The following SAMD3 variants were observed in gnomAD, a reference collection of about 807,000 sequenced individuals.
SAMD3 encodes the protein sterile alpha motif domain-containing protein 3.
In SAMD3, 63 loss-of-function variants were observed where a neutral mutation model predicts 58.5. That is an observed-to-expected ratio of 1.08 (90% CI 0.88 to 1.33). SAMD3 has a LOEUF of 1.33. SAMD3 is among the 40% of genes most tolerant of loss of function. The pLI is 0.00. For missense variants in SAMD3, 604 were observed against 608.4 expected (o/e 0.99, Z 0.08); for synonymous variants, 220 against 210.3 (o/e 1.05, Z -0.40).
intron 1 of SAMD3, among the ~76,000 whole-genome samples, chr6:130,340,247 G>A (rs1777228218): frequency 6.6e-6 from 1 of 152,180 alleles, no homozygotes; most frequent in African/African-American, 2.4e-5. Flanking sequence ...CTAAAATCAA[G>A]GTATCCACAG....
intron 1 of SAMD3, among the ~76,000 whole-genome samples, chr6:130,347,289 A>C (rs1023000650): frequency 6.6e-6 from 1 of 152,250 alleles, no homozygotes; most frequent in African/African-American, 2.4e-5. Flanking sequence ...AAGCTAAAGG[A>C]GGAAGTTCAA....
chr6:130,168,161 C>T (rs1412190157), intron 8 of SAMD3, among the ~76,000 whole-genome samples: 2 of 152,146 alleles, frequency 1.3e-5, no homozygotes, highest in East Asian at 1.9e-4. Flanking sequence ...TGGCCAGGCG[C>T]GGTGGCTCAT....
chr6:130,153,666 T>C (rs28470450), intron 9 of SAMD3, among the ~76,000 whole-genome samples: 2 of 91,144 alleles, frequency 2.2e-5, no homozygotes, highest in Non-Finnish European at 4.6e-5. Flanking sequence ...ATATATATAT[T>C]TATTTATTTA....
intron 8 of SAMD3, chr6:130,160,239 TAAGAA>T (rs1790171425): frequency 1.3e-5 from 2 of 152,148 alleles, no homozygotes; most frequent in South Asian, 2.1e-4. Context: ...AAATATCCGT[TAAGAA>T]GAGAAGAGCC....
chr6:130,180,420 C>A, intron 7 of SAMD3, among the ~76,000 whole-genome samples: 1 of 151,158 alleles, frequency 6.6e-6, no homozygotes, highest in East Asian at 1.9e-4. Context: ...TAGGCGTGAA[C>A]CACCACTCCC....
intron 8 of SAMD3, among the ~76,000 whole-genome samples, chr6:130,166,765 A>T (rs549096185): frequency 1.3e-5 from 2 of 152,352 alleles, no homozygotes; most frequent in African/African-American, 4.8e-5. Flanking sequence ...GCTAACACAC[A>T]TATGAAGAGA....
intron 1 of SAMD3, among the ~76,000 whole-genome samples, chr6:130,345,360 G>T (rs1444583765): frequency 1.3e-5 from 2 of 152,158 alleles, no homozygotes; most frequent in Non-Finnish European, 2.9e-5. Context: ...GCCATCCACT[G>T]AGGTATTTCC....
chr6:130,307,285 C>T (rs1289863061), intron 2 of SAMD3, among the ~76,000 whole-genome samples: 1 of 152,194 alleles, frequency 6.6e-6, no homozygotes, highest in Non-Finnish European at 1.5e-5. Context: ...CACTGTAATG[C>T]TCTGCTGTTG....
intron 9 of SAMD3, among the ~76,000 whole-genome samples, chr6:130,153,840 G>C (rs1302187125): frequency 6.6e-6 from 1 of 151,452 alleles, no homozygotes; most frequent in Non-Finnish European, 1.5e-5. Flanking sequence ...CTAAGCTGGG[G>C]TAATTTTTGT....
chr6:130,224,592 TTTATTATTA>T (rs147379974), upstream of SAMD3, among the ~76,000 whole-genome samples: 22,275 of 143,744 alleles, frequency 0.15, 1,915 homozygotes, highest in East Asian at 0.34. Flanking sequence ...ACTCTATTTA[TTTATTATTA>T]TTATTATTAT....
chr6:130,191,061 G>A (rs1381433003), intron 5 of SAMD3, among the ~76,000 whole-genome samples: 1 of 151,264 alleles, frequency 6.6e-6, no homozygotes, highest in African/African-American at 2.4e-5. Context: ...GACCATACTA[G>A]ATATCTGCCT....
intron 2 of SAMD3, among the ~76,000 whole-genome samples, chr6:130,299,460 T>G (rs1308480534): frequency 6.6e-6 from 1 of 151,950 alleles, no homozygotes; most frequent in Non-Finnish European, 1.5e-5. Context: ...TGGGACATAA[T>G]GAAAGCAGTA....
At chr6:130,289,612 G>A (rs1269011894) in intron 2 of SAMD3, among the ~76,000 whole-genome samples, 1 of 152,128 alleles carries the variant, frequency 6.6e-6, no homozygotes, top group Admixed American at 6.5e-5. Context: ...TGATTCCCCT[G>A]CCTCAGCCTC....
intron 5 of SAMD3, among the ~76,000 whole-genome samples, chr6:130,195,783 T>C (rs905804771): frequency 6.6e-6 from 1 of 152,178 alleles, no homozygotes; most frequent in Non-Finnish European, 1.5e-5. Flanking sequence ...GTAATTCTTA[T>C]AAAAACACAC....
chr6:130,284,299 C>T (rs1470888326), intron 2 of SAMD3, among the ~76,000 whole-genome samples: 1 of 152,108 alleles, frequency 6.6e-6, no homozygotes, highest in Non-Finnish European at 1.5e-5. Flanking sequence ...TTATTGATTT[C>T]AATTTTAGTT....
At chr6:130,207,159 CA>C (rs376844642) in intron 5 of SAMD3, among the ~76,000 whole-genome samples, 10,042 of 52,586 alleles carry the variant, frequency 0.19, 411 homozygotes, top group African/African-American at 0.29. Context: ...CCCATCTCAT[CA>C]AAAAAAAAAA....
chr6:130,315,053 T>C (rs1024486463), intron 1 of SAMD3, among the ~76,000 whole-genome samples: 1 of 152,166 alleles, frequency 6.6e-6, no homozygotes. Context: ...TATACTATAT[T>C]GTGCTTTTGC....
chr6:130,346,082 G>C (rs181665239), intron 1 of SAMD3, among the ~76,000 whole-genome samples: 1 of 152,214 alleles, frequency 6.6e-6, no homozygotes, highest in Non-Finnish European at 1.5e-5. Flanking sequence ...AATTAATATG[G>C]TTGGGAGGAG....
chr6:130,263,161 T>TA (rs1291663282), intron 2 of SAMD3, among the ~76,000 whole-genome samples: 1 of 152,270 alleles, frequency 6.6e-6, no homozygotes, highest in East Asian at 1.9e-4. Flanking sequence ...TTCTTTGGTT[T>TA]AAAACCTAAT....
Sources: gnomAD v4.1 joint callset for allele counts (sites outside exome capture counted in the v4.1 genomes callset) on GRCh38, gnomAD v4.1.1 for gene constraint, MANE v1.5 for transcripts, NCBI Gene and HGNC (gene_info 2026-07-23, HGNC 2026-07-21) for gene names.